Variants in SPTSSB observed in about 807,000 individuals in gnomAD.
The protein encoded by SPTSSB is androgen down regulated in mouse prostate.
A neutral mutation model predicts 7.7 loss-of-function variants in SPTSSB; 6 were observed. The ratio of observed to expected loss-of-function variants is 0.78; its 90% confidence interval spans 0.43 to 1.54. The LOEUF is 1.54. Among genes scored for constraint, SPTSSB ranks in the 40% most tolerant of loss-of-function variants. SPTSSB has a pLI of 0.01. For missense variants in SPTSSB, 91 were observed against 93.0 expected (o/e 0.98, Z 0.09); for synonymous variants, 28 against 29.7 (o/e 0.94, Z 0.19).
rs187236492 is a variant in SPTSSB, at chr3:161,367,914, G to T, written c.-126+3521C>A. Among the ~76,000 whole-genome samples, 41 of 152,296 alleles carry T rather than the reference G, an allele frequency of 2.7e-4. No individual in the cohort carries two copies. The East Asian group carries it at 4.4e-3, about 16-fold the overall frequency. ...ACTGATAAAGGACTAGACATATCTA[G>T]AAGTAGGAGGAACAAGTGGCCTCAC... is the stretch of plus-strand genomic sequence containing the variant. On this transcript the variant is annotated intron_variant, in intron 1 of 2. Transcript: ENST00000620149.
At chr3:161,367,282 A>C (rs1226793230) in intron 1 of SPTSSB, among the ~76,000 whole-genome samples, 1 of 152,266 alleles carries the variant, frequency 6.6e-6, no homozygotes, top group Non-Finnish European at 1.5e-5. Context: ...GACTTCTACA[A>C]AAGCTTTCAT....
intron 2 of SPTSSB, among the ~76,000 whole-genome samples, chr3:161,346,781 T>C (rs1380288806): frequency 6.6e-6 from 1 of 152,044 alleles, no homozygotes; most frequent in African/African-American, 2.4e-5. Flanking sequence ...ATGGATAGAA[T>C]AGACAGTGAA....
At chr3:161,354,937 G>T (rs873183) in intron 2 of SPTSSB, among the ~76,000 whole-genome samples, 4 of 152,146 alleles carry the variant, frequency 2.6e-5, no homozygotes, top group Non-Finnish European at 5.9e-5. Context: ...TCTCAGTATT[G>T]TGTGGCTATC....
intron 1 of SPTSSB, among the ~76,000 whole-genome samples, chr3:161,367,000 C>A (rs1715251094): frequency 6.6e-6 from 1 of 152,050 alleles, no homozygotes; most frequent in African/African-American, 2.4e-5. Flanking sequence ...CATAGTGAAA[C>A]CCCATCTCTA....
chr3:161,368,502 CT>C (rs1560108576), intron 1 of SPTSSB, among the ~76,000 whole-genome samples: 2 of 150,770 alleles, frequency 1.3e-5, no homozygotes, highest in Non-Finnish European at 3.0e-5. Flanking sequence ...TCTCGGCTCA[CT>C]GCAAGCTCCG....
intron 1 of SPTSSB, among the ~76,000 whole-genome samples, chr3:161,367,116 A>G (rs1380717863): frequency 1.3e-5 from 2 of 152,210 alleles, no homozygotes; most frequent in Non-Finnish European, 2.9e-5. Flanking sequence ...GGCGGAGGTC[A>G]CAGTGAGCTG....
intron 1 of SPTSSB, among the ~76,000 whole-genome samples, chr3:161,370,754 C>T (rs1404200431): frequency 7.2e-5 from 11 of 152,302 alleles, no homozygotes; most frequent in Non-Finnish European, 7.4e-5. Flanking sequence ...TTGAATGTCA[C>T]TTTAGTTGAA....
intron 1 of SPTSSB, among the ~76,000 whole-genome samples, chr3:161,361,441 C>T (rs907130227): frequency 6.6e-6 from 1 of 152,004 alleles, no homozygotes; most frequent in Non-Finnish European, 1.5e-5. Context: ...AAATATTCCA[C>T]CAGAGAATTA....
At chr3:161,359,957 G>C (rs544584558) in intron 1 of SPTSSB, 63 bp from the exon 2 acceptor site, 2 of 207,176 alleles carry the variant, frequency 9.7e-6, no homozygotes, top group East Asian at 3.7e-4. Context: ...AAACCATTCT[G>C]TCCCATGTAA....
At chr3:161,352,076 T>C (rs1463963408) in intron 2 of SPTSSB, among the ~76,000 whole-genome samples, 1 of 152,222 alleles carries the variant, frequency 6.6e-6, no homozygotes, top group Non-Finnish European at 1.5e-5. Context: ...ACTTGTCTCT[T>C]TTTTACCTTA....
chr3:161,370,267 C>G (rs1423508882), intron 1 of SPTSSB, among the ~76,000 whole-genome samples: 2 of 152,168 alleles, frequency 1.3e-5, no homozygotes, highest in Non-Finnish European at 2.9e-5. Context: ...CTTTCAACTT[C>G]AAATCTAGTC....
At chr3:161,361,308 G>A (rs923279124) in intron 1 of SPTSSB, among the ~76,000 whole-genome samples, 9 of 152,068 alleles carry the variant, frequency 5.9e-5, no homozygotes, top group Admixed American at 4.6e-4. Context: ...GCTCCATTAG[G>A]AAAATTGTCC....
At chr3:161,360,234 C>T (rs1055510805) in intron 1 of SPTSSB, among the ~76,000 whole-genome samples, 6 of 152,140 alleles carry the variant, frequency 3.9e-5, no homozygotes, top group Non-Finnish European at 7.3e-5. Context: ...TTGATCTGCT[C>T]TCTAATTCAG....
intron 2 of SPTSSB, among the ~76,000 whole-genome samples, chr3:161,348,722 A>C (rs1345270192): frequency 1.3e-5 from 2 of 152,198 alleles, no homozygotes; most frequent in African/African-American, 4.8e-5. Context: ...CAGTTACCAC[A>C]ATCTCAGCCC....
rs149973589 is a variant in SPTSSB, at chr3:161,357,900, G to T, written c.-33+1902C>A. Among the ~76,000 whole-genome samples the T allele has an allele frequency of 1.1e-3, 173 of 152,214 alleles. 1 individual carries two copies. Among genetic ancestry groups the T allele is most frequent in the Admixed American group, 8.4e-3 (129 of 15,288 alleles). On this transcript the variant is annotated intron_variant, in intron 2 of 2. Transcript: ENST00000620149. ...GATTGCAGACTTCTAGCCTTTGGGA[G>T]TATCAGAGAACAAACTTCTGTTGTT...
At chr3:161,369,385 CTTTTTT>C (rs71149710) in intron 1 of SPTSSB, among the ~76,000 whole-genome samples, 32 of 29,660 alleles carry the variant, frequency 1.1e-3, no homozygotes, top group African/African-American at 3.0e-3. Flanking sequence ...TCTTTCTTTC[CTTTTTT>C]TTTTTTTTTT....
At chr3:161,347,643 A>G (rs964738597) in intron 2 of SPTSSB, among the ~76,000 whole-genome samples, 4 of 151,608 alleles carry the variant, frequency 2.6e-5, no homozygotes, top group African/African-American at 9.7e-5. Context: ...AGGCCAAGGC[A>G]GGCGGATCAT....
At chr3:161,361,356 G>A (rs747753535) in intron 1 of SPTSSB, among the ~76,000 whole-genome samples, 108 of 152,246 alleles carry the variant, frequency 7.1e-4, no homozygotes, top group Non-Finnish European at 1.2e-3. Flanking sequence ...GTGTTGCTAT[G>A]CATCAGGAGG....
chr3:161,359,941 A>G (rs1714939089), intron 1 of SPTSSB, 47 bp from the exon 2 acceptor site: 1 of 258,424 alleles, frequency 3.9e-6, no homozygotes, highest in Admixed American at 6.5e-5. Flanking sequence ...ATGTCTTCAA[A>G]TTTTAAAACC....
Sources: gnomAD v4.1 joint callset for allele counts (sites outside exome capture counted in the v4.1 genomes callset) on GRCh38, gnomAD v4.1.1 for gene constraint, MANE v1.5 for transcripts, NCBI Gene and HGNC (gene_info 2026-07-23, HGNC 2026-07-21) for gene names.